Variants in TTN observed in about 807,000 individuals in gnomAD.
TTN encodes the protein titin.
A neutral mutation model predicts 3,223.0 loss-of-function variants in TTN; 1,525 were observed. That is an observed-to-expected ratio of 0.47 (90% confidence interval 0.45 to 0.49). The LOEUF (loss-of-function observed/expected upper bound fraction) is 0.49, where lower values mean the gene tolerates loss of function less well. Ranked by LOEUF, TTN falls within the 20% of genes least tolerant of loss-of-function variation. TTN has a pLI of 0.00. For missense variants in TTN, 40,786 were observed against 43,424.0 expected, an observed-to-expected ratio of 0.94 and a Z score of 5.40; for synonymous variants, 14,094 against 15,161.0, an observed-to-expected ratio of 0.93 and a Z score of 5.17.
At chr2:178,746,518 A>C (rs773770044) in intron 47 of TTN, 5 of 1,613,106 alleles carry the variant, frequency 3.1e-6, no homozygotes, top group Non-Finnish European at 4.2e-6. Context: ...GTTCCAAATC[A>C]AACTCCATGA....
Position 178,721,013 on chromosome 2 carries a change from T to C in TTN, c.23006A>G (p.Asn7669Ser), listed in dbSNP as rs781289417. The change falls in exon 79 of 363, where the codon AAT (asparagine) becomes AGT (serine). Residue 7669 changes from asparagine to serine, a missense_variant. Transcript: ENST00000589042. Reference sequence around the variant, plus strand: ...CCCGCTGTCTTCAGCACTAGCTTCATTGATCGTAAGCAATGCCACAGAATT... The same window carrying C: ...CCCGCTGTCTTCAGCACTAGCTTCACTGATCGTAAGCAATGCCACAGAATT... ...FINSVALLTINEASAEDSGDY... is the reference protein window; with the variant it reads ...FINSVALLTISEASAEDSGDY... 3.1e-6 allele frequency: 5 copies of C among 1,613,330 alleles called. No homozygotes were observed. The highest frequency in any genetic ancestry group is 2.2e-5 in the East Asian group (1 of 44,858).
rs762132549 is a variant in TTN at position 178,741,595 on chromosome 2, G to C, written c.11638C>G (p.Leu3880Val). 1 of 1,613,846 alleles carries C rather than the reference G, an allele frequency of 6.2e-7. No homozygotes were observed. ...CCCTCATCCTCCAATTTGGTGAACA[G>C]AATGATCAGGCTATGATCATCACCG... Reference protein sequence around the residue: ...FDGDDHSLIILFTKLEDEGEY... With the variant: ...FDGDDHSLIIVFTKLEDEGEY... Residue 3880 changes from leucine to valine, a missense_variant, in exon 48 of 363, where the codon CTG becomes GTG. Transcript: ENST00000589042.
intron 8 of TTN, among the ~76,000 whole-genome samples, chr2:178,793,926 A>T (rs1474324065): frequency 6.6e-6 from 1 of 152,230 alleles, no homozygotes; most frequent in Non-Finnish European, 1.5e-5. Flanking sequence ...GAGGTGGGAC[A>T]TTATCCTGGA....
chr2:178,617,362 C>G lies in TTN; in HGVS notation c.47723G>C (p.Arg15908Pro). The G allele has an allele frequency of 6.3e-7, 1 of 1,582,784 alleles. No individual in the cohort carries two copies. The highest frequency in any genetic ancestry group is 1.7e-4 in the Middle Eastern group (1 of 5,974). ...RCEEGKDNWI[R>P]CNMKLVPELT... The stretch of plus-strand genomic sequence containing the variant: ...TTCAGGGACAAGTTTCATATTGCAA[C>G]GAATCCAATTATCTTTTCCTTCTTC... The change falls in exon 254 of 363, where the codon CGT becomes CCT. Residue 15908 changes from arginine (R) to proline (P), a missense_variant. Arg to Pro is a moderately radical substitution (Grantham distance 103, BLOSUM62 -2). Transcript: ENST00000589042.
chr2:178,734,691 A>G lies in TTN; in HGVS notation c.15217+16T>C. ...TTTTCTCAGAAAAATACTGGATGGA[A>G]ACTCAGTAAACAAACCTTTGATAAC... On this transcript the variant is annotated intron_variant, in intron 51 of 362. Transcript: ENST00000589042. 1 of 1,593,368 alleles carries G rather than the reference A, an allele frequency of 6.3e-7. No homozygotes were observed. Among genetic ancestry groups the G allele is most frequent in the South Asian group, 1.1e-5 (1 of 87,994 alleles).
chr2:178,678,078 C>G, intron 145 of TTN, 47 bp downstream of exon 145: 2 of 1,582,116 alleles, frequency 1.3e-6, no homozygotes, highest in Non-Finnish European at 1.7e-6. Flanking sequence ...CTGTATAACA[C>G]CAGTTAGTTT....
Position 178,565,779 on chromosome 2 carries a change from C to T in TTN, c.80353G>A (p.Gly26785Arg). 6 of 1,613,564 alleles carry T rather than the reference C, an allele frequency of 3.7e-6. No homozygotes were observed. The highest frequency in any genetic ancestry group is 5.1e-6 in the Non-Finnish European group (6 of 1,179,632). Residue 26785 changes from glycine to arginine, a missense_variant, in exon 326 of 363, where the codon GGA becomes AGA. Gly to Arg is a moderately radical substitution (Grantham distance 125). Coordinates refer to ENST00000589042, the MANE Select transcript of TTN (RefSeq NM_001267550.2). ...VKAAEPPSPP[G>R]KVTLTDVSQT... ...GACACATCAGTGAGTGTAACCTTTC[C>T]TGGTGGGGAAGGAGGTTCAGCAGCT...
At position 178,548,531 on chromosome 2, in the gene TTN, G is replaced by A. The variant is rs1698112765; in HGVS notation, c.93095C>T (p.Ser31032Phe). ...PITFKDVTRG[S>F]ATLMWDAPLL... ...AGGGGCATCCCACATCAATGTAGCA[G>A]ATCCCCGGGTCACATCTTTGAAGGT... The change falls in exon 339 of 363, where the codon TCT (serine) becomes TTT (phenylalanine). Residue 31032 changes from serine to phenylalanine, a missense_variant. By Grantham distance (155) the Ser-to-Phe change is radical. Coordinates refer to ENST00000589042, the MANE Select transcript of TTN (RefSeq NM_001267550.2). This position sits in a 1 kb window ranked among gnomAD's most constrained non-coding sequence, Gnocchi z 4.3. 1 of 1,613,786 alleles carries A rather than the reference G, an allele frequency of 6.2e-7. No individual in the cohort carries two copies. The highest frequency in any genetic ancestry group is 1.3e-5 in the African/African-American group (1 of 74,920).
At chr2:178,624,342 T>C (rs1342037995) in intron 242 of TTN, 123 bp downstream of exon 242, 3 of 1,201,734 alleles carry the variant, frequency 2.5e-6, no homozygotes, top group Non-Finnish European at 3.6e-6. Context: ...TCAGTGTCAA[T>C]ACTAGAAGTT....
intron 38 of TTN, 49 bp from the exon 39 acceptor site, chr2:178,768,204 G>T: frequency 6.3e-7 from 1 of 1,588,630 alleles, no homozygotes; most frequent in Non-Finnish European, 8.6e-7. Context: ...GCTTTATTGA[G>T]ATATAATTCA....
rs776408174 is a variant in TTN at position 178,664,544 on chromosome 2, AG to A, written c.36203-8del. On this transcript the variant is annotated splice_polypyrimidine_tract_variant and splice_region_variant and intron_variant, in intron 167 of 362. Transcript: ENST00000589042. ...TCTCTGAGAGCCTCCGGCACTTTGAAGATATTAATAATTTTACATTTAGAAG... is the reference window on the plus strand; with the variant it reads ...TCTCTGAGAGCCTCCGGCACTTTGAAATATTAATAATTTTACATTTAGAAG... 6.8e-6 allele frequency: 11 copies of A among 1,609,090 alleles called. No individual in the cohort carries two copies. In the East Asian group the frequency reaches 1.1e-4, roughly 16 times the overall value.
In TTN at chr2:178,584,665, A is replaced by G. The variant is rs772438879; in HGVS notation, c.64972+4T>C. ...AACTTTTTTTCTCCTTCACAAAAACATACCAAATGGGAACTGCGCAACCAT... is the reference window on the plus strand; with the variant it reads ...AACTTTTTTTCTCCTTCACAAAAACGTACCAAATGGGAACTGCGCAACCAT... On this transcript the variant is annotated splice_donor_region_variant and intron_variant, in intron 310 of 362. Transcript: ENST00000589042. 1 of 1,612,290 alleles carries G rather than the reference A, an allele frequency of 6.2e-7. No individual in the cohort carries two copies. Among genetic ancestry groups the G allele is most frequent in the South Asian group, 1.1e-5 (1 of 90,664 alleles).
intron 294 of TTN, 130 bp downstream of exon 294, chr2:178,597,408 G>T: frequency 1.8e-6 from 2 of 1,108,254 alleles, no homozygotes. Flanking sequence ...TTCTAATAAT[G>T]TTCAACATGA....
At chr2:178,684,210 TAACAACAACAAC>T in intron 132 of TTN, 108 bp downstream of exon 132, 1 of 1,355,490 alleles carries the variant, frequency 7.4e-7, no homozygotes, top group Non-Finnish European at 1.0e-6. Context: ...ACAACAACTG[TAACAACAACAAC>T]AACATCAACA....
Position 178,713,381 on chromosome 2 carries a change from TACAAAACAAA to T in TTN, c.26762-19_26762-10del, listed in dbSNP as rs71393436. On this transcript the variant is annotated splice_polypyrimidine_tract_variant and intron_variant, in intron 92 of 362. Transcript: ENST00000589042. ...AGGAGGAACGGTTCGGTCTGAATGA[TACAAAACAAA>T]ACAAAACAAAACAAAACAAAAAAAA... The T allele has an allele frequency of 2.0e-4, 298 of 1,469,042 alleles. No homozygotes were observed. Among genetic ancestry groups the T allele is most frequent in the South Asian group, 6.8e-4 (46 of 67,192 alleles). The allele number at this position is 1,469,042 out of a possible 1,614,324, so 91.0% of individuals were successfully genotyped here.
chr2:178,702,027 C>T lies in TTN; in HGVS notation c.30538+13G>A, dbSNP rs1385757504. On this transcript the variant is annotated intron_variant, in intron 109 of 362. Transcript: ENST00000589042. Reference sequence around the variant, plus strand: ...TATTGTAAGCAAGGATTGATTTTTACAAAACAACTTACCAGGAGGCTTCAG... The same window carrying T: ...TATTGTAAGCAAGGATTGATTTTTATAAAACAACTTACCAGGAGGCTTCAG... 1 of 1,608,416 alleles carries T rather than the reference C, an allele frequency of 6.2e-7. No individual in the cohort carries two copies.
rs376613199 is a variant in TTN at position 178,692,530 on chromosome 2, T to C, written c.31645A>G (p.Ile10549Val). The change falls in exon 120 of 363, where the codon ATC becomes GTC. Residue 10549 changes from isoleucine (I) to valine (V), a missense_variant. Ile to Val is a conservative substitution (Grantham distance 29, BLOSUM62 3). Transcript: ENST00000589042. The part of the protein sequence containing the change: ...PAPEEVAPVP[I>V]PKKVEPPAPK... ...GCTGGGGGCTCCACTTTTTTAGGGATAGGAACAGGGGCCACTTCTTCTGGA... is the reference window on the plus strand; with the variant it reads ...GCTGGGGGCTCCACTTTTTTAGGGACAGGAACAGGGGCCACTTCTTCTGGA... 2.0e-4 allele frequency: 324 copies of C among 1,588,324 alleles called. 1 individual carries two copies. Among genetic ancestry groups the C allele is most frequent in the Non-Finnish European group, 2.6e-4 (309 of 1,166,442 alleles).
rs1343412391 is a variant in TTN at position 178,590,944 on chromosome 2, T to G, written c.60781A>C (p.Thr20261Pro). Residue 20261 changes from threonine (T) to proline (P), a missense_variant, in exon 304 of 363, where the codon ACA becomes CCA. Transcript: ENST00000589042. ...KIGVGPPLDS[T>P]PTVAKHKFSP... Reference sequence around the variant, plus strand: ...AATTTATGCTTAGCAACAGTAGGTGTGGAGTCAAGGGGAGGACCAACACCT... The same window carrying G: ...AATTTATGCTTAGCAACAGTAGGTGGGGAGTCAAGGGGAGGACCAACACCT... 6.2e-7 allele frequency: 1 copy of G among 1,613,212 alleles called. No individual in the cohort carries two copies. Among genetic ancestry groups the G allele is most frequent in the African/African-American group, 1.3e-5 (1 of 74,884 alleles).
chr2:178,741,058 C>A lies in TTN; in HGVS notation c.12175G>T (p.Gly4059Cys), dbSNP rs377114166. 2.1e-5 allele frequency: 34 copies of A among 1,613,740 alleles called. No homozygotes were observed. The highest frequency in any genetic ancestry group is 2.7e-5 in the Non-Finnish European group (32 of 1,179,850). ...PEDFPQTPLKGPAVEALDSEQ... is the reference protein window; with the variant it reads ...PEDFPQTPLKCPAVEALDSEQ... ...GAGTCAAGTGCTTCAACTGCGGGAC[C>A]CTTTAAGGGTGTCTGTGGAAAATCC... Residue 4059 changes from glycine (G) to cysteine (C), a missense_variant, in exon 48 of 363, where the codon GGT (glycine) becomes TGT (cysteine). By Grantham distance (159) the Gly-to-Cys change is radical (BLOSUM62 -3). Transcript: ENST00000589042.
Sources: allele counts gnomAD v4.1 joint callset (sites outside exome capture counted in the v4.1 genomes callset), GRCh38; gene constraint gnomAD v4.1.1; non-coding constraint Gnocchi (gnomAD v3.1); transcripts MANE v1.5; gene names NCBI Gene and HGNC (gene_info 2026-07-23, HGNC 2026-07-21).